Variants in USP11 observed in about 807,000 individuals in gnomAD.
USP11 encodes ubiquitin carboxyl-terminal hydrolase 11.
A neutral mutation model predicts 72.8 loss-of-function variants in USP11; 5 were observed. The observed-to-expected ratio is 0.07, with a 90% confidence interval of 0.04 to 0.14. The LOEUF is 0.14. Among genes scored for constraint, USP11 ranks in the 10% least tolerant of loss-of-function variants. The probability of loss-of-function intolerance (pLI) is 1.00; values close to 1 mark genes in which losing one functional copy is unlikely to be tolerated. For synonymous variants in USP11, 368 were observed against 326.5 expected (o/e 1.13, Z -1.37); for missense variants, 480 against 794.7 (o/e 0.60, Z 4.76).
intron 1 of USP11, among the ~76,000 whole-genome samples, chrX:47,238,592 C>T: frequency 1.0e-5 from 1 of 95,456 alleles, no homozygotes; most frequent in Non-Finnish European, 2.0e-5. Context: ...GCAGATTTTT[C>T]ACCATTTATC....
intron 1 of USP11, among the ~76,000 whole-genome samples, chrX:47,238,369 T>C (rs1029126344): frequency 9.1e-6 from 1 of 109,803 alleles, no homozygotes; most frequent in Non-Finnish European, 1.9e-5. Flanking sequence ...TTGTATTTTT[T>C]AGTAGAGACG....
At chrX:47,233,701 C>G (rs1263992702) in intron 1 of USP11, 5 of 303,558 alleles carry the variant, frequency 1.6e-5, no homozygotes, top group African/African-American at 1.5e-4. Context: ...GGAGCGGGGA[C>G]CTCCGTGGGG....
chrX:47,241,675 C>T lies in USP11; in HGVS notation c.1155C>T (p.Cys385=), dbSNP rs1041182464. 7 of 1,201,070 alleles carry T rather than the reference C, an allele frequency of 5.8e-6. No individual in the cohort carries two copies. The highest frequency in any genetic ancestry group is 2.4e-4 in the Middle Eastern group (1 of 4,224). The change falls in exon 9 of 21, where the codon TGC becomes TGT. Residue 385 remains cysteine, a synonymous_variant. Coordinates refer to ENST00000377107, the MANE Select transcript of USP11 (RefSeq NM_001371072.1). ...AGAAGAAGGAGTATGTGGAGCTGTGCGATGCTGCTGGGCGACCGGATCAGG... is the reference window on the plus strand; with the variant it reads ...AGAAGAAGGAGTATGTGGAGCTGTGTGATGCTGCTGGGCGACCGGATCAGG... ...RVKKKEYVEL[C]DAAGRPDQEV... is the part of the protein sequence containing the mutation.
At chrX:47,237,290 C>T (rs1025475388) in intron 1 of USP11, among the ~76,000 whole-genome samples, 4 of 110,593 alleles carry the variant, frequency 3.6e-5, no homozygotes, top group Non-Finnish European at 7.6e-5. Context: ...ATTGAGCCAC[C>T]GGCACAGAAG....
rs2055391211 is a variant in USP11, at chrX:47,239,490, G to T, written c.417+9G>T. ...CACCCATTGAACGCAAGGTATAATG[G>T]ATGGGGAGGGTGCATGGCGGGGAGT... On this transcript the variant is annotated intron_variant, in intron 3 of 20. Transcript: ENST00000377107. The T allele has an allele frequency of 8.3e-7, 1 of 1,209,125 alleles. No homozygotes were observed. Among genetic ancestry groups the T allele is most frequent in the Non-Finnish European group, 1.1e-6 (1 of 895,083 alleles).
At chrX:47,237,786 ATGTGTGTGTG>A (rs763902030) in intron 1 of USP11, among the ~76,000 whole-genome samples, 97 of 38,365 alleles carry the variant, frequency 2.5e-3, no homozygotes, top group South Asian at 5.3e-3. Flanking sequence ...GTGTGTGTGT[ATGTGTGTGTG>A]TGTGTGTGTG....
In USP11 at chrX:47,240,632, G is replaced by T; in HGVS notation, c.727G>T (p.Ala243Ser). 1 of 1,211,975 alleles carries T rather than the reference G, an allele frequency of 8.3e-7. No individual in the cohort carries two copies. The highest frequency in any genetic ancestry group is 1.1e-6 in the Non-Finnish European group (1 of 895,566). The stretch of plus-strand genomic sequence containing the variant: ...CAAGAAAGATGGCACTTGGCCCAGC[G>T]CACAGCTGCATGTCATGTGAGCCCT... Reference protein sequence around the residue: ...TRKKDGTWPSAQLHVMNNNMS... With the variant: ...TRKKDGTWPSSQLHVMNNNMS... The change falls in exon 6 of 21, where the codon GCA (alanine) becomes TCA (serine). Residue 243 changes from alanine (A) to serine (S), a missense_variant. Physicochemically the swap from Ala to Ser is moderately conservative, Grantham distance 99 (BLOSUM62 1). Coordinates refer to ENST00000377107, the MANE Select transcript of USP11 (RefSeq NM_001371072.1).
intron 9 of USP11, 58 bp from the exon 10 acceptor site, chrX:47,242,024 G>A (rs889571653): frequency 8.7e-7 from 1 of 1,148,071 alleles, no homozygotes; most frequent in Admixed American, 2.5e-5. Context: ...TGCACCCCAA[G>A]CCATGGTTTC....
chrX:47,244,962 G>A (rs750699575), intron 15 of USP11, 38 bp downstream of exon 15: 1 of 1,211,151 alleles, frequency 8.3e-7, no homozygotes, highest in East Asian at 3.0e-5. Context: ...TGGGGAGGCT[G>A]GAGGGGAGAT....
chrX:47,244,886 G>C lies in USP11; in HGVS notation c.2048G>C (p.Gly683Ala). The C allele has an allele frequency of 8.3e-7, 1 of 1,211,788 alleles. No individual in the cohort carries two copies. The highest frequency in any genetic ancestry group is 1.1e-6 in the Non-Finnish European group (1 of 895,519). ...LFTLQTVNSN[G>A]TSDRTTSPEE... ...ACCCTGCAGACGGTGAACTCCAATG[G>C]GACCAGCGACCGCACAACCTCCCCT... The change falls in exon 15 of 21, where the codon GGG (glycine) becomes GCG (alanine). Residue 683 changes from glycine (G) to alanine (A), a missense_variant. Coordinates refer to ENST00000377107, the MANE Select transcript of USP11 (RefSeq NM_001371072.1).
Position 47,233,012 on chromosome X carries a change from G to T in USP11, c.-32G>T, listed in dbSNP as rs371419131. On this transcript the variant is annotated 5_prime_UTR_variant, in exon 1 of 21. Transcript: ENST00000377107. ...GAGGGGCGTCTTCCAATCTCGCACA[G>T]CTGCGTTGGCTGTAGAAGAGAACGG... is the stretch of plus-strand genomic sequence containing the variant. 8.3e-7 allele frequency: 1 copy of T among 1,210,362 alleles called. No individual in the cohort carries two copies. The highest frequency in any genetic ancestry group is 1.1e-6 in the Non-Finnish European group (1 of 895,194).
chrX:47,242,607 C>A lies in USP11; in HGVS notation c.1489-19C>A. On this transcript the variant is annotated intron_variant, in intron 11 of 20. Coordinates refer to ENST00000377107, the MANE Select transcript of USP11 (RefSeq NM_001371072.1). ...AGGCCGTGCAGACTAACAGTCCCCT[C>A]TCCATATCCCATTCCTAGATGATGG... is the stretch of plus-strand genomic sequence containing the variant. 3.3e-6 allele frequency: 4 copies of A among 1,206,200 alleles called. No individual in the cohort carries two copies. Among genetic ancestry groups the A allele is most frequent in the Non-Finnish European group, 4.5e-6 (4 of 890,351 alleles).
At chrX:47,233,584 CT>C in intron 1 of USP11, 1 of 807,874 alleles carries the variant, frequency 1.2e-6, no homozygotes, top group African/African-American at 2.2e-5. Context: ...CGTAATGCAA[CT>C]TTTGGGGGCG....
In USP11 at chrX:47,241,420, C is replaced by G; in HGVS notation, c.990C>G (p.His330Gln). The G allele has an allele frequency of 8.3e-7, 1 of 1,209,096 alleles. No homozygotes were observed. Reference sequence around the variant, plus strand: ...TGGTGAAGCAGGCGTGGTCTGGCCACCACCGCTCCATTGTGCCACATGTGT... The same window carrying G: ...TGGTGAAGCAGGCGTGGTCTGGCCAGCACCGCTCCATTGTGCCACATGTGT... ...ADLVKQAWSGHHRSIVPHVFK... is the reference protein window; with the variant it reads ...ADLVKQAWSGQHRSIVPHVFK... Residue 330 changes from histidine (H) to glutamine (Q), a missense_variant, in exon 8 of 21, where the codon CAC (histidine) becomes CAG (glutamine). Coordinates refer to ENST00000377107, the MANE Select transcript of USP11 (RefSeq NM_001371072.1).
Position 47,236,846 on chromosome X carries a change from T to C in USP11, c.177-2224T>C, listed in dbSNP as rs140873440. Among the ~76,000 whole-genome samples the C allele has an allele frequency of 5.3e-5, 6 of 112,193 alleles. No homozygotes were observed. The East Asian group carries it at 1.7e-3, about 31-fold the overall frequency. On this transcript the variant is annotated intron_variant, in intron 1 of 20. Coordinates refer to ENST00000377107, the MANE Select transcript of USP11 (RefSeq NM_001371072.1). Reference sequence around the variant, plus strand: ...AAAATTGAATACCCAGCTGTAAATATAATAATTTGGGTGTTATTGATACAG... The same window carrying C: ...AAAATTGAATACCCAGCTGTAAATACAATAATTTGGGTGTTATTGATACAG...
chrX:47,239,589 C>T (rs1190612802), intron 3 of USP11, 108 bp downstream of exon 3: 6 of 1,091,157 alleles, frequency 5.5e-6, no homozygotes, highest in Non-Finnish European at 7.4e-6. Context: ...CATATGTCTG[C>T]TCTCTTCCCC....
intron 1 of USP11, 56 bp downstream of exon 1, chrX:47,233,275 C>A: frequency 9.1e-7 from 1 of 1,097,653 alleles, no homozygotes. Flanking sequence ...GCATTGACAA[C>A]CGCTGGGGAT....
intron 13 of USP11, 22 bp downstream of exon 13, chrX:47,243,624 G>A (rs1294272865): frequency 8.3e-7 from 1 of 1,202,575 alleles, no homozygotes; most frequent in Non-Finnish European, 1.1e-6. Context: ...CTTCCCCGGG[G>A]GTGGGGGGCG....
At chrX:47,244,410 A>G (rs951046710) in intron 13 of USP11, 88 bp from the exon 14 acceptor site, 4 of 1,059,403 alleles carry the variant, frequency 3.8e-6, no homozygotes, top group Admixed American at 5.1e-5. Context: ...GGATCTACCA[A>G]TGGCTTCCCA....
Sources: gnomAD v4.1 joint callset for allele counts (sites outside exome capture counted in the v4.1 genomes callset) on GRCh38, gnomAD v4.1.1 for gene constraint, MANE v1.5 for transcripts, NCBI Gene and HGNC (gene_info 2026-07-23, HGNC 2026-07-21) for gene names.